EMC9: variants seen among roughly 807,000 people sequenced by gnomAD.
The protein encoded by EMC9 is ER membrane protein complex subunit 9.
In EMC9, 20 loss-of-function variants were observed where a neutral mutation model predicts 25.0. That is an observed-to-expected ratio of 0.80 (90% CI 0.56 to 1.16). The LOEUF (loss-of-function observed/expected upper bound fraction) is 1.16, where lower values mean the gene tolerates loss of function less well. Among genes scored for constraint, EMC9 ranks in the 50% most tolerant of loss-of-function variants. The pLI is 0.00. For missense variants in EMC9, 256 were observed against 268.7 expected, an observed-to-expected ratio of 0.95 and a Z score of 0.33; for synonymous variants, 100 against 107.0, an observed-to-expected ratio of 0.93 and a Z score of 0.40.
At position 24,139,841 on chromosome 14, in the gene EMC9, G is replaced by GGTCTTTTT; in HGVS notation, c.276-235_276-228dup. 1 of 1,370,250 alleles carries GGTCTTTTT rather than the reference G, an allele frequency of 7.3e-7. No individual in the cohort carries two copies. Among genetic ancestry groups the GGTCTTTTT allele is most frequent in the East Asian group, 2.8e-5 (1 of 36,014 alleles). The allele number at this position is 1,370,250 out of a possible 1,614,324, so 84.9% of individuals were successfully genotyped here. On this transcript the variant is annotated intron_variant, in intron 3 of 5. Transcript: ENST00000216799. This position sits in a 1 kb window ranked among gnomAD's most constrained non-coding sequence, Gnocchi z 4.6. ...GCTGGTGAGAGTGGAAACCAAAGGT[G>GGTCTTTTT]GTCTTTTTGGAAGGTAATTTGGCAT...
In EMC9 at chr14:24,141,209, C is replaced by G. The variant is rs776654090; in HGVS notation, c.96G>C (p.Ala32=). 6 of 1,614,204 alleles carry G rather than the reference C, an allele frequency of 3.7e-6. No homozygotes were observed. The South Asian group carries it at 6.6e-5, about 18-fold the overall frequency. ...GGCATTCTCCAGACCGCGGCGCTGG[C>G]GCCAAAAACAGCCCGTTGACTGCGG... ...PHAAVNGLFL[A]PAPRSGECLC... The change falls in exon 2 of 6, where the codon GCG becomes GCC. Residue 32 remains alanine (A), a synonymous_variant. Coordinates refer to ENST00000216799, the MANE Select transcript of EMC9 (RefSeq NM_016049.4).
In EMC9 at chr14:24,140,970, C is replaced by T; in HGVS notation, c.199-5G>A. Reference sequence around the variant, plus strand: ...CTGTGCTCCCCACACATCCACCTGTCGTAGGAAAGGGGCCATCAGTAATTA... The same window carrying T: ...CTGTGCTCCCCACACATCCACCTGTTGTAGGAAAGGGGCCATCAGTAATTA... On this transcript the variant is annotated splice_region_variant and splice_polypyrimidine_tract_variant and intron_variant, in intron 2 of 5. Coordinates refer to ENST00000216799, the MANE Select transcript of EMC9 (RefSeq NM_016049.4). 6.2e-7 allele frequency: 1 copy of T among 1,614,252 alleles called. No homozygotes were observed. The highest frequency in any genetic ancestry group is 1.1e-5 in the South Asian group (1 of 91,090).
chr14:24,141,348 C>G, intron 1 of EMC9, 32 bp from the exon 2 acceptor site: 2 of 1,602,430 alleles, frequency 1.2e-6, no homozygotes, highest in Non-Finnish European at 1.7e-6. Context: ...GGATTAGTAC[C>G]GGATTAGGCG....
chr14:24,139,303 G>A lies in EMC9; in HGVS notation c.440+57C>T, dbSNP rs576358950. On this transcript the variant is annotated intron_variant, in intron 5 of 5. Transcript: ENST00000216799. This position sits in a 1 kb window ranked among gnomAD's most constrained non-coding sequence, Gnocchi z 4.6. ...GACCCTTGGGGCAGGGCCAAGGACA[G>A]AGGAGACCCAGGAGCCTTGGGCTTC... 9 of 1,603,774 alleles carry A rather than the reference G, an allele frequency of 5.6e-6. No homozygotes were observed. In the East Asian group the frequency reaches 2.0e-4, roughly 36 times the overall value.
chr14:24,141,085 GA>G, intron 2 of EMC9, 21 bp downstream of exon 2: 1 of 1,613,970 alleles, frequency 6.2e-7, no homozygotes, highest in Non-Finnish European at 8.5e-7. Context: ...CGCGGTGGGG[GA>G]TGGGCATCCA....
At position 24,139,257 on chromosome 14, in the gene EMC9, C is replaced by A. The variant is rs1227110218; in HGVS notation, c.441-61G>T. On this transcript the variant is annotated intron_variant, in intron 5 of 5. Coordinates refer to ENST00000216799, the MANE Select transcript of EMC9 (RefSeq NM_016049.4). The surrounding 1 kb of genome is among the most constrained non-coding windows in gnomAD (Gnocchi z 4.6). ...GTAGTGGGTCCAGACACAGACTTAA[C>A]AGAGATTGGGTCTAGAGAAAGACCC... 5.0e-6 allele frequency: 8 copies of A among 1,604,380 alleles called. No individual in the cohort carries two copies. The highest frequency in any genetic ancestry group is 2.2e-5 in the South Asian group (2 of 90,226).
chr14:24,139,620 T>A lies in EMC9; in HGVS notation c.276-6A>T. 1 of 1,613,394 alleles carries A rather than the reference T, an allele frequency of 6.2e-7. No individual in the cohort carries two copies. The highest frequency in any genetic ancestry group is 8.5e-7 in the Non-Finnish European group (1 of 1,179,656). ...TCAAGGCCAGGGGCCCAGGGCTGTGTAGAGGGAAGATCAGAGGAGTGAGGA... is the reference window on the plus strand; with the variant it reads ...TCAAGGCCAGGGGCCCAGGGCTGTGAAGAGGGAAGATCAGAGGAGTGAGGA... On this transcript the variant is annotated splice_polypyrimidine_tract_variant and splice_region_variant and intron_variant, in intron 3 of 5. Transcript: ENST00000216799. This position sits in a 1 kb window ranked among gnomAD's most constrained non-coding sequence, Gnocchi z 4.6.
rs749210810 is a variant in EMC9 at position 24,139,785 on chromosome 14, G to C, written c.276-171C>G. ...CTTGATGCACGACTGCTTGATGCTTGAGTGCTGTGGGAGACAGGTGCTCAG... is the reference window on the plus strand; with the variant it reads ...CTTGATGCACGACTGCTTGATGCTTCAGTGCTGTGGGAGACAGGTGCTCAG... On this transcript the variant is annotated intron_variant, in intron 3 of 5. Coordinates refer to ENST00000216799, the MANE Select transcript of EMC9 (RefSeq NM_016049.4). The surrounding 1 kb of genome is among the most constrained non-coding windows in gnomAD (Gnocchi z 4.6). The C allele has an allele frequency of 1.0e-4, 155 of 1,538,328 alleles. No homozygotes were observed. Among genetic ancestry groups the C allele is most frequent in the Non-Finnish European group, 1.3e-4 (148 of 1,138,988 alleles).
Position 24,140,886 on chromosome 14 carries a change from C to G in EMC9, c.275+3G>C, listed in dbSNP as rs200229118. 329 of 1,614,170 alleles carry G rather than the reference C, an allele frequency of 2.0e-4. No homozygotes were observed. The highest frequency in any genetic ancestry group is 2.5e-6 in the Non-Finnish European group (3 of 1,180,026). On this transcript the variant is annotated splice_donor_region_variant and intron_variant, in intron 3 of 5. Transcript: ENST00000216799. ...TCCTTCTTCCTCTGGCTACGCCACT[C>G]ACCTCTGATCGTTCACAGCTGCATT...
Position 24,140,925 on chromosome 14 carries a change from C to T in EMC9, c.239G>A (p.Gly80Asp). Reference protein sequence around the residue: ...WGAQAGLVVAGYYHANAAVND... With the variant: ...WGAQAGLVVADYYHANAAVND... The stretch of plus-strand genomic sequence containing the variant: ...CACAGCTGCATTGGCATGGTAGTAA[C>T]CAGCCACCACCAGACCGGCCTGTGC... Residue 80 changes from glycine to aspartate, a missense_variant, in exon 3 of 6, where the codon GGT (glycine) becomes GAT (aspartate). Physicochemically the swap from Gly to Asp is moderately conservative, Grantham distance 94. Transcript: ENST00000216799. 2 of 1,614,226 alleles carry T rather than the reference C, an allele frequency of 1.2e-6. No individual in the cohort carries two copies.
At chr14:24,140,678 A>C (rs2038033047) in intron 3 of EMC9, among the ~76,000 whole-genome samples, 1 of 151,614 alleles carries the variant, frequency 6.6e-6, no homozygotes, top group East Asian at 1.9e-4. Flanking sequence ...TGTCCTATTC[A>C]TCTTTATATT....
intron 2 of EMC9, 36 bp downstream of exon 2, chr14:24,141,071 G>T: frequency 1.2e-6 from 2 of 1,613,846 alleles, no homozygotes; most frequent in Non-Finnish European, 1.7e-6. Context: ...GTGTTGGGTG[G>T]GTTCGCGGTG....
chr14:24,141,515 C>G lies in EMC9; in HGVS notation c.-90G>C. On this transcript the variant is annotated 5_prime_UTR_variant, in exon 1 of 6. Transcript: ENST00000216799. The stretch of plus-strand genomic sequence containing the variant: ...GCGCCCTGGGTCCCGGAGTCCGCCC[C>G]CGGCCCAGTCCAGGAGGAGGTCCCG... 1.6e-6 allele frequency: 1 copy of G among 616,794 alleles called. No homozygotes were observed. Among genetic ancestry groups the G allele is most frequent in the Non-Finnish European group, 2.9e-6 (1 of 348,788 alleles). 38.2% of individuals were successfully genotyped at this position (616,794 alleles called of 1,614,324 possible).
rs139086825 is a variant in EMC9 at position 24,141,187 on chromosome 14, A to C, written c.118T>G (p.Cys40Gly). 591 of 1,613,954 alleles carry C rather than the reference A, an allele frequency of 3.7e-4. No homozygotes were observed. Among genetic ancestry groups the C allele is most frequent in the Non-Finnish European group, 3.7e-4 (434 of 1,180,034 alleles). ...GGCACACAGTCGGTGAGGCACAGGC[A>C]TTCTCCAGACCGCGGCGCTGGCGCC... ...FLAPAPRSGE[C>G]LCLTDCVPLF... is the part of the protein sequence containing the mutation. The change falls in exon 2 of 6, where the codon TGC (cysteine) becomes GGC (glycine). Residue 40 changes from cysteine to glycine, a missense_variant. By Grantham distance (159) the Cys-to-Gly change is radical. Transcript: ENST00000216799.
chr14:24,139,602 C>G lies in EMC9; in HGVS notation c.288G>C (p.Leu96=), dbSNP rs769511521. The G allele has an allele frequency of 1.2e-6, 2 of 1,613,836 alleles. No individual in the cohort carries two copies. Among genetic ancestry groups the G allele is most frequent in the African/African-American group, 2.7e-5 (2 of 74,908 alleles). ...CAATTCGCCCAGCAATTTTCAAGGC[C>G]AGGGGCCCAGGGCTGTGTAGAGGGA... ...AAVNDQSPGP[L]ALKIAGRIAE... is the part of the protein sequence containing the mutation. Residue 96 remains leucine, a synonymous_variant, in exon 4 of 6, where the codon CTG becomes CTC. Transcript: ENST00000216799. This position sits in a 1 kb window ranked among gnomAD's most constrained non-coding sequence, Gnocchi z 4.6.
Position 24,141,260 on chromosome 14 carries a change from G to A in EMC9, c.45C>T (p.Cys15=), listed in dbSNP as rs779059955. The stretch of plus-strand genomic sequence containing the variant: ...CGTGTGGGTACCGGGCAGCATGCAG[G>A]CACATCTTCACGTAGGCCAGGGCCG... ...EISALAYVKM[C]LHAARYPHAA... Residue 15 remains cysteine (C), a synonymous_variant, in exon 2 of 6, where the codon TGC becomes TGT. Coordinates refer to ENST00000216799, the MANE Select transcript of EMC9 (RefSeq NM_016049.4). The A allele has an allele frequency of 3.7e-6, 6 of 1,607,968 alleles. No individual in the cohort carries two copies. The highest frequency in any genetic ancestry group is 1.4e-5 in the African/African-American group (1 of 73,926).
chr14:24,139,280 C>T lies in EMC9; in HGVS notation c.440+80G>A. On this transcript the variant is annotated intron_variant, in intron 5 of 5. Transcript: ENST00000216799. The surrounding 1 kb of genome is among the most constrained non-coding windows in gnomAD (Gnocchi z 4.6). ...AACAGAGATTGGGTCTAGAGAAAGA[C>T]CCTTGGGGCAGGGCCAAGGACAGAG... 1.2e-6 allele frequency: 2 copies of T among 1,600,500 alleles called. No homozygotes were observed. Among genetic ancestry groups the T allele is most frequent in the Non-Finnish European group, 1.7e-6 (2 of 1,170,726 alleles).
rs985204245 is a variant in EMC9 at position 24,139,203 on chromosome 14, T to G, written c.441-7A>C. On this transcript the variant is annotated splice_region_variant and splice_polypyrimidine_tract_variant and intron_variant, in intron 5 of 5. Transcript: ENST00000216799. This position sits in a 1 kb window ranked among gnomAD's most constrained non-coding sequence, Gnocchi z 4.6. ...CCAGTCCCTCCACATCACTCTGAAATAGTAACCCCCATGGAGGTCAAACAG... is the reference window on the plus strand; with the variant it reads ...CCAGTCCCTCCACATCACTCTGAAAGAGTAACCCCCATGGAGGTCAAACAG... The G allele has an allele frequency of 1.9e-6, 3 of 1,613,726 alleles. No individual in the cohort carries two copies. Among genetic ancestry groups the G allele is most frequent in the Non-Finnish European group, 2.5e-6 (3 of 1,179,864 alleles).
chr14:24,140,942 G>C lies in EMC9; in HGVS notation c.222C>G (p.Ala74=), dbSNP rs773247890. ...LNQVDVWGAQ[A]GLVVAGYYHA... Reference sequence around the variant, plus strand: ...GGTAGTAACCAGCCACCACCAGACCGGCCTGTGCTCCCCACACATCCACCT... The same window carrying C: ...GGTAGTAACCAGCCACCACCAGACCCGCCTGTGCTCCCCACACATCCACCT... The change falls in exon 3 of 6, where the codon GCC becomes GCG. Residue 74 remains alanine, a synonymous_variant. Transcript: ENST00000216799. 3 of 1,614,236 alleles carry C rather than the reference G, an allele frequency of 1.9e-6. No homozygotes were observed. Among genetic ancestry groups the C allele is most frequent in the Non-Finnish European group, 2.5e-6 (3 of 1,180,048 alleles).
Sources: gnomAD v4.1 joint callset for allele counts (sites outside exome capture counted in the v4.1 genomes callset) on GRCh38, gnomAD v4.1.1 for gene constraint, Gnocchi (gnomAD v3.1) non-coding constraint, MANE v1.5 for transcripts, NCBI Gene and HGNC (gene_info 2026-07-23, HGNC 2026-07-21) for gene names.